INPP4B: variants seen among roughly 807,000 people sequenced by gnomAD.
INPP4B encodes the protein inositol polyphosphate-4-phosphatase type II B.
Under a neutral mutation model 122.5 loss-of-function variants are expected in INPP4B, and 55 were observed. That is an observed-to-expected ratio of 0.45 (90% confidence interval 0.36 to 0.56). The LOEUF (loss-of-function observed/expected upper bound fraction) is 0.56, where lower values mean the gene tolerates loss of function less well. INPP4B is among the 20% of genes least tolerant of loss of function. INPP4B has a pLI of 0.00. For synonymous variants in INPP4B, 403 were observed against 388.7 expected (o/e 1.04, Z -0.43); for missense variants, 1,000 against 1,097.7 (o/e 0.91, Z 1.26).
At chr4:142,625,354 T>C (rs1195532224) in intron 2 of INPP4B, among the ~76,000 whole-genome samples, 10 of 151,272 alleles carry the variant, frequency 6.6e-5, no homozygotes, top group Non-Finnish European at 1.5e-4. Context: ...AAAGAGAGAG[T>C]CAAATCATGA....
chr4:142,496,567 C>G (rs1239190273), intron 2 of INPP4B, among the ~76,000 whole-genome samples: 1 of 152,058 alleles, frequency 6.6e-6, no homozygotes, highest in African/African-American at 2.4e-5. Context: ...TGTATGTATT[C>G]CATTGGCTGT....
At chr4:142,215,899 A>G (rs1847000319) in intron 12 of INPP4B, among the ~76,000 whole-genome samples, 1 of 70,556 alleles carries the variant, frequency 1.4e-5, no homozygotes, top group Non-Finnish European at 2.8e-5. Context: ...TCTCAAAAAA[A>G]AAAAAAAAAA....
intron 8 of INPP4B, among the ~76,000 whole-genome samples, chr4:142,309,732 A>G (rs1008456596): frequency 6.6e-6 from 1 of 152,192 alleles, no homozygotes; most frequent in Non-Finnish European, 1.5e-5. Flanking sequence ...TTGCCTGCTC[A>G]TGACAACTCA....
intron 13 of INPP4B, 52 bp from the exon 14 acceptor site, chr4:142,208,581 T>A: frequency 3.0e-6 from 3 of 987,022 alleles, no homozygotes; most frequent in Non-Finnish European, 4.6e-6. Context: ...TAAATTAATA[T>A]GTGTGTTAAA....
intron 5 of INPP4B, among the ~76,000 whole-genome samples, chr4:142,425,024 A>T (rs1215696767): frequency 6.6e-6 from 1 of 152,116 alleles, no homozygotes; most frequent in Non-Finnish European, 1.5e-5. Context: ...CTCCTATTTT[A>T]TGTGCTAGTG....
chr4:142,604,302 CT>C (rs1740730503), intron 2 of INPP4B, among the ~76,000 whole-genome samples: 1 of 152,072 alleles, frequency 6.6e-6, no homozygotes, highest in Non-Finnish European at 1.5e-5. Context: ...AAAGCTTTTC[CT>C]CTAAGAACTG....
In INPP4B at chr4:142,843,934, A is replaced by C. The variant is rs201605215; in HGVS notation, c.-254+2275T>G. Among the ~76,000 whole-genome samples, 4 of 152,286 alleles carry C rather than the reference A, an allele frequency of 2.6e-5. No homozygotes were observed. The East Asian group carries it at 7.7e-4, about 29-fold the overall frequency. ...GAATTAATTACTTTCAATTTGCACA[A>C]TTTAGAACAAATATCTGGCTTTTCC... On this transcript the variant is annotated intron_variant, in intron 1 of 25. Transcript: ENST00000262992.
intron 1 of INPP4B, among the ~76,000 whole-genome samples, chr4:142,825,339 T>G (rs541483426): frequency 2.8e-4 from 43 of 152,282 alleles, no homozygotes; most frequent in African/African-American, 9.6e-4. Flanking sequence ...AAAATTTGAA[T>G]GTTTTCACTA....
At chr4:142,592,822 TG>T (rs1156786843) in intron 2 of INPP4B, among the ~76,000 whole-genome samples, 1 of 152,102 alleles carries the variant, frequency 6.6e-6, no homozygotes, top group East Asian at 1.9e-4. Context: ...CGTCATAGGC[TG>T]GGTGCGATGG....
Position 142,086,222 on chromosome 4 carries a change from T to A in INPP4B, c.2409A>T (p.Lys803Asn), listed in dbSNP as rs1285930452. The A allele has an allele frequency of 6.3e-7, 1 of 1,580,308 alleles. No individual in the cohort carries two copies. The highest frequency in any genetic ancestry group is 1.1e-5 in the South Asian group (1 of 90,236). Residue 803 changes from lysine (K) to asparagine (N), a missense_variant, in exon 24 of 26, where the codon AAA (lysine) becomes AAT (asparagine). Coordinates refer to ENST00000262992, the MANE Select transcript of INPP4B (RefSeq NM_001101669.3). ...TTTGAAGGAGATTTTCTAGCAATGC[T>A]TTTAAATCATTTTGTTCCTGAAAAT... ...ISHFQEQNDL[K>N]ALLENLLQNI...
At chr4:142,324,311 A>G (rs140358474) in intron 7 of INPP4B, among the ~76,000 whole-genome samples, 21 of 152,080 alleles carry the variant, frequency 1.4e-4, no homozygotes, top group Middle Eastern at 3.4e-3. Context: ...GCCCTAGCCA[A>G]CTAAGATTCT....
At chr4:142,076,621 A>G (rs17467121) in intron 25 of INPP4B, among the ~76,000 whole-genome samples, 8,719 of 152,096 alleles carry the variant, frequency 0.057, 272 homozygotes, top group Middle Eastern at 0.092. Flanking sequence ...CCCAATTACG[A>G]TGTTCCCTAC....
At chr4:142,095,115 A>G (rs1346859904) in intron 23 of INPP4B, among the ~76,000 whole-genome samples, 5 of 152,214 alleles carry the variant, frequency 3.3e-5, no homozygotes, top group Admixed American at 3.3e-4. Flanking sequence ...CACTTGATAA[A>G]GATAATTTTA....
intron 25 of INPP4B, among the ~76,000 whole-genome samples, chr4:142,067,742 T>G (rs910008055): frequency 6.6e-6 from 1 of 151,824 alleles, no homozygotes; most frequent in Admixed American, 6.6e-5. Context: ...TGATTGAAGA[T>G]TAAATAAATA....
chr4:142,414,910 G>C (rs1482971785), intron 5 of INPP4B, among the ~76,000 whole-genome samples: 1 of 152,214 alleles, frequency 6.6e-6, no homozygotes, highest in African/African-American at 2.4e-5. Context: ...CATATGTGCT[G>C]CTTAAGAAAG....
intron 2 of INPP4B, among the ~76,000 whole-genome samples, chr4:142,663,400 A>G (rs1230850069): frequency 1.3e-5 from 2 of 152,158 alleles, no homozygotes; most frequent in African/African-American, 4.8e-5. Context: ...TTAGATTTGG[A>G]AGTTCAAGGA....
chr4:142,375,158 A>AT lies in INPP4B; in HGVS notation c.372+27779dup, dbSNP rs113246462. On this transcript the variant is annotated intron_variant, in intron 7 of 25. Coordinates refer to ENST00000262992, the MANE Select transcript of INPP4B (RefSeq NM_001101669.3). The stretch of plus-strand genomic sequence containing the variant: ...CAGCAACCTCCCAATCAATAAATCC[A>AT]TTTTTTTTTCATCTTCCTTGACAGC... Among the ~76,000 whole-genome samples, 169 of 149,728 alleles carry AT rather than the reference A, an allele frequency of 1.1e-3. 3 individuals carry two copies. The East Asian group carries it at 0.014, about 13-fold the overall frequency.
In INPP4B at chr4:142,293,664, T is replaced by C. The variant is rs186515358; in HGVS notation, c.503+11794A>G. On this transcript the variant is annotated intron_variant, in intron 9 of 25. Coordinates refer to ENST00000262992, the MANE Select transcript of INPP4B (RefSeq NM_001101669.3). ...AATCCTTTATCTTACTGAAGCACTA[T>C]TGCAAACAATCTCTCTTAGCCACAG... is the stretch of plus-strand genomic sequence containing the variant. 5.3e-5 allele frequency among the ~76,000 whole-genome samples: 8 copies of C among 152,342 alleles called. No homozygotes were observed. The South Asian group carries it at 6.2e-4, about 12-fold the overall frequency.
chr4:142,230,643 CAAAAAAAAAA>C (rs11309327), intron 12 of INPP4B, among the ~76,000 whole-genome samples: 6 of 79,598 alleles, frequency 7.5e-5, no homozygotes, highest in African/African-American at 1.4e-4. Context: ...AACTCCACCT[CAAAAAAAAAA>C]AAAAAAAAAA....
Sources: gnomAD v4.1 joint callset for allele counts (sites outside exome capture counted in the v4.1 genomes callset) on GRCh38, gnomAD v4.1.1 for gene constraint, MANE v1.5 for transcripts, NCBI Gene and HGNC (gene_info 2026-07-23, HGNC 2026-07-21) for gene names.